Variants in SPATA31D3 observed in about 807,000 individuals in gnomAD.
SPATA31D3 encodes SPATA31 subfamily D member 3, also known as spermatogenesis-associated protein 31D3.
For synonymous variants in SPATA31D3, 27 were observed against 107.8 expected (o/e 0.25, Z 4.65); for missense variants, 91 against 297.9 (o/e 0.31, Z 5.11).
chr9:81,945,273 CTTT>C (rs769927001), intron 3 of SPATA31D3, 41 bp downstream of exon 3: 73 of 92,112 alleles, frequency 7.9e-4, no homozygotes, highest in African/African-American at 2.0e-3. Context: ...CCACCGCCTT[CTTT>C]TTTTTTTTTT....
Position 81,949,609 on chromosome 9 carries a change from TC to T in SPATA31D3, c.*1606del. The T allele has an allele frequency of 1.4e-6, 1 of 712,058 alleles. No individual in the cohort carries two copies. 44.1% of individuals were successfully genotyped at this position (712,058 alleles called of 1,614,324 possible). A position where few individuals can be genotyped will look rare whatever the true frequency, so the allele number is the denominator to read the frequency against. On this transcript the variant is annotated 3_prime_UTR_variant, in exon 4 of 4. Coordinates refer to ENST00000445385, the MANE Select transcript of SPATA31D3 (RefSeq NM_207416.3). ...CACCTGTCCCCAGGAGCCCCTTTCC[TC>T]CCCAGTGCAGCTTGGGAAATCTCAG...
In SPATA31D3 at chr9:81,949,412, G is replaced by A. The variant is rs1039931078; in HGVS notation, c.*1405G>A. 4 of 365,808 alleles carry A rather than the reference G, an allele frequency of 1.1e-5. No individual in the cohort carries two copies. In the South Asian group the frequency reaches 1.4e-4, roughly 13 times the overall value. 22.7% of individuals were successfully genotyped at this position (365,808 alleles called of 1,614,324 possible). On this transcript the variant is annotated 3_prime_UTR_variant, in exon 4 of 4. Coordinates refer to ENST00000445385, the MANE Select transcript of SPATA31D3 (RefSeq NM_207416.3). ...TCTAATAAACCCATCATAACATATG[G>A]AAAACAAGAAAGTTCCTAGGAAAAG...
At position 81,949,372 on chromosome 9, in the gene SPATA31D3, A is replaced by G; in HGVS notation, c.*1365A>G. 1 of 353,328 alleles carries G rather than the reference A, an allele frequency of 2.8e-6. No individual in the cohort carries two copies. The highest frequency in any genetic ancestry group is 5.6e-6 in the Non-Finnish European group (1 of 179,166). The allele number at this position is 353,328 out of a possible 1,614,324, so 21.9% of individuals were successfully genotyped here. ...AAACCTTTTCGGAACATTGATGAAG[A>G]CCTTTTTGCAGCAGTCTAATAAACC... On this transcript the variant is annotated 3_prime_UTR_variant, in exon 4 of 4. Transcript: ENST00000445385.
chr9:81,949,900 G>A lies in SPATA31D3; in HGVS notation c.*1893G>A, dbSNP rs1297460754. On this transcript the variant is annotated 3_prime_UTR_variant, in exon 4 of 4. Transcript: ENST00000445385. The stretch of plus-strand genomic sequence containing the variant: ...CCTGTGCCACAGCCAAACCCCACTT[G>A]CAGTGTGAAGTCAACCTGGTGCCTC... The A allele has an allele frequency of 3.0e-6, 2 of 675,810 alleles. No homozygotes were observed. Among genetic ancestry groups the A allele is most frequent in the East Asian group, 2.7e-5 (1 of 37,230 alleles). 41.9% of individuals were successfully genotyped at this position (675,810 alleles called of 1,614,324 possible). A position where few individuals can be genotyped will look rare whatever the true frequency, so the allele number is the denominator to read the frequency against.
chr9:81,948,134 A>T lies in SPATA31D3; in HGVS notation c.*127A>T. The T allele has an allele frequency of 3.6e-6, 5 of 1,406,098 alleles. No homozygotes were observed. In the South Asian group the frequency reaches 6.8e-5, roughly 19 times the overall value. The allele number at this position is 1,406,098 out of a possible 1,614,324, so 87.1% of individuals were successfully genotyped here. A position where few individuals can be genotyped will look rare whatever the true frequency, so the allele number is the denominator to read the frequency against. On this transcript the variant is annotated 3_prime_UTR_variant, in exon 4 of 4. Coordinates refer to ENST00000445385, the MANE Select transcript of SPATA31D3 (RefSeq NM_207416.3). ...TCAGCCAGCTTTATTTCTCAGGGAGATTCCAAAGATGGGGTCTCTAAGTCT... is the reference window on the plus strand; with the variant it reads ...TCAGCCAGCTTTATTTCTCAGGGAGTTTCCAAAGATGGGGTCTCTAAGTCT...
chr9:81,949,723 A>G lies in SPATA31D3; in HGVS notation c.*1716A>G. 3 of 1,408,536 alleles carry G rather than the reference A, an allele frequency of 2.1e-6. No homozygotes were observed. Among genetic ancestry groups the G allele is most frequent in the Non-Finnish European group, 2.0e-6 (2 of 998,002 alleles). The allele number at this position is 1,408,536 out of a possible 1,614,324, so 87.3% of individuals were successfully genotyped here. On this transcript the variant is annotated 3_prime_UTR_variant, in exon 4 of 4. Transcript: ENST00000445385. Reference sequence around the variant, plus strand: ...TCCCTCCTGCAAAGTGACATGTACCAAATCTTGCAGCCAACAAGCTATCTT... The same window carrying G: ...TCCCTCCTGCAAAGTGACATGTACCGAATCTTGCAGCCAACAAGCTATCTT...
Position 81,949,249 on chromosome 9 carries a change from C to G in SPATA31D3, c.*1242C>G, listed in dbSNP as rs1355275119. ...AGGGGATGCAGGGCTGGGGACATCC[C>G]AACTCAGAAGAAAGAGCCATGCTAT... On this transcript the variant is annotated 3_prime_UTR_variant, in exon 4 of 4. Transcript: ENST00000445385. The G allele has an allele frequency of 2.6e-6, 1 of 384,126 alleles. No homozygotes were observed. The allele number at this position is 384,126 out of a possible 1,614,324, so 23.8% of individuals were successfully genotyped here. A position where few individuals can be genotyped will look rare whatever the true frequency, so the allele number is the denominator to read the frequency against.
chr9:81,949,811 A>G lies in SPATA31D3; in HGVS notation c.*1804A>G. On this transcript the variant is annotated 3_prime_UTR_variant, in exon 4 of 4. Coordinates refer to ENST00000445385, the MANE Select transcript of SPATA31D3 (RefSeq NM_207416.3). The stretch of plus-strand genomic sequence containing the variant: ...ATAGACAAGGACAGATAGCCCCAGG[A>G]AGTTGGACATTTAAGGGGAAGATAT... 1 of 1,210,528 alleles carries G rather than the reference A, an allele frequency of 8.3e-7. No homozygotes were observed. Among genetic ancestry groups the G allele is most frequent in the Non-Finnish European group, 1.2e-6 (1 of 823,374 alleles). The allele number at this position is 1,210,528 out of a possible 1,614,324, so 75.0% of individuals were successfully genotyped here.
Position 81,948,825 on chromosome 9 carries a change from C to T in SPATA31D3, c.*818C>T, listed in dbSNP as rs202226661. ...AGTCAGGAAGCTGCTTAGTGACAAA[C>T]GTGAAAAGAAGCACTTCTCATGAAA... On this transcript the variant is annotated 3_prime_UTR_variant, in exon 4 of 4. Transcript: ENST00000445385. 1 of 240,980 alleles carries T rather than the reference C, an allele frequency of 4.1e-6. No individual in the cohort carries two copies. The highest frequency in any genetic ancestry group is 7.0e-6 in the Non-Finnish European group (1 of 142,932). The allele number at this position is 240,980 out of a possible 1,614,324, so 14.9% of individuals were successfully genotyped here. A position where few individuals can be genotyped will look rare whatever the true frequency, so the allele number is the denominator to read the frequency against.
rs1825082617 is a variant in SPATA31D3 at position 81,947,638 on chromosome 9, G to A, written c.2385G>A (p.Arg795=). The A allele has an allele frequency of 6.4e-7, 1 of 1,574,476 alleles. No homozygotes were observed. The highest frequency in any genetic ancestry group is 8.6e-7 in the Non-Finnish European group (1 of 1,156,864). ...DPETSSEEDL[R]SNSERDLGTH... The stretch of plus-strand genomic sequence containing the variant: ...AGACATCTTCAGAGGAGGATCTGAG[G>A]TCTAACTCTGAGAGAGACCTAGGAA... Residue 795 remains arginine (R), a synonymous_variant, in exon 4 of 4, where the codon AGG becomes AGA. Transcript: ENST00000445385.
At position 81,949,833 on chromosome 9, in the gene SPATA31D3, A is replaced by T. The variant is rs1355949303; in HGVS notation, c.*1826A>T. 3.7e-6 allele frequency: 4 copies of T among 1,071,012 alleles called. No individual in the cohort carries two copies. In the Admixed American group the frequency reaches 7.2e-5, roughly 19 times the overall value. 66.3% of individuals were successfully genotyped at this position (1,071,012 alleles called of 1,614,324 possible). The stretch of plus-strand genomic sequence containing the variant: ...AGGAAGTTGGACATTTAAGGGGAAG[A>T]TATTGTGTCAAAGGCATCCCCAATC... On this transcript the variant is annotated 3_prime_UTR_variant, in exon 4 of 4. Transcript: ENST00000445385.
rs1823984590 is a variant in SPATA31D3 at position 81,949,578 on chromosome 9, A to G, written c.*1571A>G. On this transcript the variant is annotated 3_prime_UTR_variant, in exon 4 of 4. Transcript: ENST00000445385. The stretch of plus-strand genomic sequence containing the variant: ...AGAAGCTGGGGCATAGACATTGAAT[A>G]GATATCACCTGTCCCCAGGAGCCCC... 1 of 627,364 alleles carries G rather than the reference A, an allele frequency of 1.6e-6. No individual in the cohort carries two copies. The highest frequency in any genetic ancestry group is 1.7e-5 in the South Asian group (1 of 58,542). 38.9% of individuals were successfully genotyped at this position (627,364 alleles called of 1,614,324 possible).
chr9:81,949,428 C>T lies in SPATA31D3; in HGVS notation c.*1421C>T, dbSNP rs1047351619. On this transcript the variant is annotated 3_prime_UTR_variant, in exon 4 of 4. Transcript: ENST00000445385. ...TAACATATGGAAAACAAGAAAGTTC[C>T]TAGGAAAAGGGTAGCTCCTTGTCAT... 25 of 368,674 alleles carry T rather than the reference C, an allele frequency of 6.8e-5. No homozygotes were observed. Among genetic ancestry groups the T allele is most frequent in the South Asian group, 6.7e-4 (18 of 26,846 alleles). The allele number at this position is 368,674 out of a possible 1,614,324, so 22.8% of individuals were successfully genotyped here.
chr9:81,949,361 C>A lies in SPATA31D3; in HGVS notation c.*1354C>A, dbSNP rs1198598340. On this transcript the variant is annotated 3_prime_UTR_variant, in exon 4 of 4. Transcript: ENST00000445385. ...CCTCCTCCTGAAAACCTTTTCGGAA[C>A]ATTGATGAAGACCTTTTTGCAGCAG... 2.5e-5 allele frequency: 9 copies of A among 354,136 alleles called. No individual in the cohort carries two copies. The highest frequency in any genetic ancestry group is 4.4e-5 in the Non-Finnish European group (8 of 179,834). The allele number at this position is 354,136 out of a possible 1,614,324, so 21.9% of individuals were successfully genotyped here.
chr9:81,948,133 G>A lies in SPATA31D3; in HGVS notation c.*126G>A. On this transcript the variant is annotated 3_prime_UTR_variant, in exon 4 of 4. Coordinates refer to ENST00000445385, the MANE Select transcript of SPATA31D3 (RefSeq NM_207416.3). ...CTCAGCCAGCTTTATTTCTCAGGGA[G>A]ATTCCAAAGATGGGGTCTCTAAGTC... is the stretch of plus-strand genomic sequence containing the variant. 2 of 1,404,172 alleles carry A rather than the reference G, an allele frequency of 1.4e-6. No homozygotes were observed. The highest frequency in any genetic ancestry group is 9.6e-7 in the Non-Finnish European group (1 of 1,044,716). The allele number at this position is 1,404,172 out of a possible 1,614,324, so 87.0% of individuals were successfully genotyped here.
In SPATA31D3 at chr9:81,949,756, C is replaced by G. The variant is rs1197568952; in HGVS notation, c.*1749C>G. 8 of 1,390,702 alleles carry G rather than the reference C, an allele frequency of 5.8e-6. 1 individual carries two copies. In the Middle Eastern group the frequency reaches 5.8e-4, roughly 101 times the overall value. The allele number at this position is 1,390,702 out of a possible 1,614,324, so 86.1% of individuals were successfully genotyped here. A position where few individuals can be genotyped will look rare whatever the true frequency, so the allele number is the denominator to read the frequency against. ...CAGCCAACAAGCTATCTTTGTCGGC[C>G]AGAATTATCCTGCAATGATTAGACA... On this transcript the variant is annotated 3_prime_UTR_variant, in exon 4 of 4. Coordinates refer to ENST00000445385, the MANE Select transcript of SPATA31D3 (RefSeq NM_207416.3).
Position 81,949,809 on chromosome 9 carries a change from G to T in SPATA31D3, c.*1802G>T, listed in dbSNP as rs1823998857. On this transcript the variant is annotated 3_prime_UTR_variant, in exon 4 of 4. Transcript: ENST00000445385. ...TCATAGACAAGGACAGATAGCCCCA[G>T]GAAGTTGGACATTTAAGGGGAAGAT... The T allele has an allele frequency of 4.1e-6, 5 of 1,225,926 alleles. No homozygotes were observed. Among genetic ancestry groups the T allele is most frequent in the Non-Finnish European group, 6.0e-6 (5 of 836,846 alleles). 75.9% of individuals were successfully genotyped at this position (1,225,926 alleles called of 1,614,324 possible). A position where few individuals can be genotyped will look rare whatever the true frequency, so the allele number is the denominator to read the frequency against.
Position 81,948,836 on chromosome 9 carries a change from G to A in SPATA31D3, c.*829G>A. ...TGCTTAGTGACAAACGTGAAAAGAA[G>A]CACTTCTCATGAAACTGAAATTTTC... On this transcript the variant is annotated 3_prime_UTR_variant, in exon 4 of 4. Transcript: ENST00000445385. 3.9e-6 allele frequency: 1 copy of A among 258,758 alleles called. No homozygotes were observed. The highest frequency in any genetic ancestry group is 6.5e-6 in the Non-Finnish European group (1 of 153,404). 16.0% of individuals were successfully genotyped at this position (258,758 alleles called of 1,614,324 possible).
chr9:81,949,971 C>G lies in SPATA31D3; in HGVS notation c.*1964C>G. 2.4e-6 allele frequency: 1 copy of G among 413,888 alleles called. No individual in the cohort carries two copies. Among genetic ancestry groups the G allele is most frequent in the Non-Finnish European group, 4.4e-6 (1 of 227,190 alleles). The allele number at this position is 413,888 out of a possible 1,614,324, so 25.6% of individuals were successfully genotyped here. A position where few individuals can be genotyped will look rare whatever the true frequency, so the allele number is the denominator to read the frequency against. On this transcript the variant is annotated 3_prime_UTR_variant, in exon 4 of 4. Coordinates refer to ENST00000445385, the MANE Select transcript of SPATA31D3 (RefSeq NM_207416.3). ...AAAAACACTGTGTTCAGTGATGTGC[C>G]TTTACTAACTGGACAGAAAATACTT...
Sources: allele counts gnomAD v4.1 joint callset, GRCh38; gene constraint gnomAD v4.1.1; transcripts MANE v1.5; gene names NCBI Gene and HGNC (gene_info 2026-07-23, HGNC 2026-07-21).